The following SLC8A1 variants were observed in gnomAD, a reference collection of about 807,000 sequenced individuals.
SLC8A1 encodes solute carrier family 8 member A1, also known as sodium/calcium exchanger 1.
A neutral mutation model predicts 68.3 loss-of-function variants in SLC8A1; 18 were observed. The observed-to-expected ratio is 0.26, with a 90% CI of 0.18 to 0.39. The LOEUF (loss-of-function observed/expected upper bound fraction) is 0.39, where lower values mean the gene tolerates loss of function less well. SLC8A1 is among the 10% of genes least tolerant of loss of function. SLC8A1 has a pLI of 1.00. For missense variants in SLC8A1, 985 were observed against 1,156.7 expected, an observed-to-expected ratio of 0.85 and a Z score of 2.15; for synonymous variants, 475 against 415.5, an observed-to-expected ratio of 1.14 and a Z score of -1.74.
chr2:40,321,489 T>C (rs1238789531), intron 2 of SLC8A1, among the ~76,000 whole-genome samples: 1 of 152,120 alleles, frequency 6.6e-6, no homozygotes, highest in Non-Finnish European at 1.5e-5. Context: ...TCTGTTCTCA[T>C]GCTACTAATA....
intron 2 of SLC8A1, among the ~76,000 whole-genome samples, chr2:40,187,800 C>G (rs144688778): frequency 0.011 from 1,688 of 152,140 alleles, 17 homozygotes; most frequent in Non-Finnish European, 0.018. Flanking sequence ...GTCTAGTATC[C>G]CCACAATGTT....
chr2:40,260,170 T>G (rs968793105), intron 2 of SLC8A1, among the ~76,000 whole-genome samples: 1 of 152,196 alleles, frequency 6.6e-6, no homozygotes, highest in African/African-American at 2.4e-5. Context: ...CCTCCCCTCC[T>G]TTTTTCTCTC....
intron 2 of SLC8A1, among the ~76,000 whole-genome samples, chr2:40,410,669 C>T (rs983044507): frequency 6.6e-6 from 1 of 151,974 alleles, no homozygotes; most frequent in African/African-American, 2.4e-5. Flanking sequence ...TTAACGTATG[C>T]ATTACTTCAC....
chr2:40,215,687 G>A (rs1356544965), intron 2 of SLC8A1, among the ~76,000 whole-genome samples: 2 of 147,352 alleles, frequency 1.4e-5, no homozygotes, highest in African/African-American at 5.0e-5. Context: ...GTAAAGACAA[G>A]GTCTTGCTTT....
At chr2:40,149,278 T>A (rs1304667598) in intron 6 of SLC8A1, among the ~76,000 whole-genome samples, 1 of 152,222 alleles carries the variant, frequency 6.6e-6, no homozygotes, top group Non-Finnish European at 1.5e-5. Context: ...TCAGGCACAG[T>A]TCTAGGCATT....
intron 4 of SLC8A1, 73 bp downstream of exon 7, chr2:40,170,208 A>G (rs1415837923): frequency 7.5e-7 from 1 of 1,326,976 alleles, no homozygotes; most frequent in Non-Finnish European, 1.1e-6. Flanking sequence ...GCTAAAATGC[A>G]TGACTGTAAT....
At chr2:40,306,898 A>AT (rs967703623) in intron 2 of SLC8A1, among the ~76,000 whole-genome samples, 24 of 152,000 alleles carry the variant, frequency 1.6e-4, no homozygotes, top group African/African-American at 4.8e-4. Context: ...TAAATCTCTG[A>AT]TTTTTTTTGT....
chr2:40,234,412 G>A (rs1034291291), intron 2 of SLC8A1, among the ~76,000 whole-genome samples: 8 of 152,026 alleles, frequency 5.3e-5, no homozygotes, highest in African/African-American at 1.9e-4. Flanking sequence ...TCTGTTGTTG[G>A]TGTGTAAGAA....
At chr2:40,176,818 G>T (rs1005867047) in intron 3 of SLC8A1, among the ~76,000 whole-genome samples, 1 of 152,074 alleles carries the variant, frequency 6.6e-6, no homozygotes, top group South Asian at 2.1e-4. Context: ...ACTAATAAGA[G>T]CTATTAATAT....
intron 2 of SLC8A1, among the ~76,000 whole-genome samples, chr2:40,299,080 A>C (rs2070947881): frequency 1.4e-5 from 2 of 138,580 alleles, no homozygotes; most frequent in South Asian, 4.8e-4. Context: ...CAAGCAACAC[A>C]GTTACTTGGG....
At chr2:40,190,013 T>C (rs1396823135) in intron 2 of SLC8A1, 1 of 152,232 alleles carries the variant, frequency 6.6e-6, no homozygotes, top group East Asian at 1.9e-4. Context: ...ACTAACCTTT[T>C]GGCTGGTTTT....
chr2:40,446,445 A>G (rs1021283983), intron 1 of SLC8A1: 2 of 152,192 alleles, frequency 1.3e-5, no homozygotes. Flanking sequence ...GCTCTTTGAC[A>G]TGTTTCAAAA....
At chr2:40,473,413 C>G (rs1014937952) in intron 1 of SLC8A1, among the ~76,000 whole-genome samples, 7 of 152,136 alleles carry the variant, frequency 4.6e-5, no homozygotes, top group South Asian at 2.1e-4. Flanking sequence ...TCCATCTCAA[C>G]ATTCCTTTTC....
At position 40,212,707 on chromosome 2, in the gene SLC8A1, CTCT is replaced by C. The variant is rs1346678692; in HGVS notation, c.1809-34855_1809-34853del. Among the ~76,000 whole-genome samples, 5 of 152,318 alleles carry C rather than the reference CTCT, an allele frequency of 3.3e-5. No homozygotes were observed. In the East Asian group the frequency reaches 7.7e-4, roughly 24 times the overall value. ...AAGATGGAGCATTAACAAGTGAAGA[CTCT>C]TCTTCTTTTCTTTTCTTTCTTCTTG... On this transcript the variant is annotated intron_variant, in intron 2 of 7. Coordinates refer to ENST00000406785, the Ensembl canonical transcript of SLC8A1.
chr2:40,153,537 T>C (rs1293417243), intron 6 of SLC8A1, among the ~76,000 whole-genome samples: 4 of 152,224 alleles, frequency 2.6e-5, no homozygotes, highest in Admixed American at 6.5e-5. Flanking sequence ...GGCAGCAGTG[T>C]TGCTCATATC....
chr2:40,287,354 G>A (rs2068483107), intron 2 of SLC8A1, among the ~76,000 whole-genome samples: 1 of 152,122 alleles, frequency 6.6e-6, no homozygotes, highest in African/African-American at 2.4e-5. Context: ...TCCAAAATAT[G>A]TTGGCAGCAG....
intron 1 of SLC8A1, among the ~76,000 whole-genome samples, chr2:40,447,497 G>A (rs892296343): frequency 6.7e-6 from 1 of 150,026 alleles, no homozygotes; most frequent in African/African-American, 2.4e-5. Context: ...CAGCAACCTA[G>A]TTTTAAACCT....
At chr2:40,161,481 A>T (rs2045677623) in intron 5 of SLC8A1, among the ~76,000 whole-genome samples, 1 of 152,186 alleles carries the variant, frequency 6.6e-6, no homozygotes, top group African/African-American at 2.4e-5. Flanking sequence ...AGAAAAGTTC[A>T]GTTCTTATGG....
chr2:40,177,686 G>C (rs543599551), intron 3 of SLC8A1: 2 of 951,390 alleles, frequency 2.1e-6, no homozygotes, highest in African/African-American at 1.6e-5. Flanking sequence ...TTAAGTGTGA[G>C]AGTAGGGAGA....
Sources: gnomAD v4.1 joint callset for allele counts (sites outside exome capture counted in the v4.1 genomes callset) on GRCh38, gnomAD v4.1.1 for gene constraint, MANE v1.5 for transcripts, NCBI Gene and HGNC (gene_info 2026-07-23, HGNC 2026-07-21) for gene names.